Variants in LARP1 observed in about 807,000 individuals in gnomAD.
LARP1 encodes la-related protein 1.
Under a neutral mutation model 122.7 loss-of-function variants are expected in LARP1, and 36 were observed. The ratio of observed to expected loss-of-function variants is 0.29; its 90% CI spans 0.22 to 0.39. LARP1 has a LOEUF of 0.39. LARP1 is among the 10% of genes least tolerant of loss of function. The pLI, the probability that LARP1 is intolerant of heterozygous loss-of-function variation, is 1.00. For synonymous variants in LARP1, 539 were observed against 528.7 expected, an observed-to-expected ratio of 1.02 and a Z score of -0.27; for missense variants, 1,040 against 1,403.6, an observed-to-expected ratio of 0.74 and a Z score of 4.14.
At chr5:154,719,899 A>G (rs2113341941) in intron 1 of LARP1, among the ~76,000 whole-genome samples, 1 of 151,504 alleles carries the variant, frequency 6.6e-6, no homozygotes, top group South Asian at 2.1e-4. Flanking sequence ...TGGTAATTTT[A>G]AAGTAACACT....
rs1379066224 is a variant in LARP1 at position 154,814,399 on chromosome 5, A to G, written c.*303A>G. 1 of 157,150 alleles carries G rather than the reference A, an allele frequency of 6.4e-6. No homozygotes were observed. Among genetic ancestry groups the G allele is most frequent in the Non-Finnish European group, 1.4e-5 (1 of 71,508 alleles). The allele number at this position is 157,150 out of a possible 1,614,324, so 9.7% of individuals were successfully genotyped here. ...TACATATATATATATCAAGTTTTAA[A>G]TTATTGATAGTTCATCTGGATTACC... On this transcript the variant is annotated 3_prime_UTR_variant, in exon 19 of 19. Coordinates refer to ENST00000518297, the MANE Select transcript of LARP1 (RefSeq NM_033551.3).
At chr5:154,780,391 G>A (rs939799534) in intron 1 of LARP1, among the ~76,000 whole-genome samples, 6 of 152,180 alleles carry the variant, frequency 3.9e-5, no homozygotes, top group Non-Finnish European at 8.8e-5. Flanking sequence ...TGACAGTATC[G>A]GTAATTTTGG....
chr5:154,710,020 G>A (rs1755138416), upstream of LARP1, among the ~76,000 whole-genome samples: 1 of 152,144 alleles, frequency 6.6e-6, no homozygotes, highest in African/African-American at 2.4e-5. Context: ...TCACAATAGG[G>A]TTCAGGCTTC....
upstream of LARP1, among the ~76,000 whole-genome samples, chr5:154,752,242 T>C (rs559424735): frequency 1.3e-5 from 2 of 152,070 alleles, no homozygotes; most frequent in Non-Finnish European, 2.9e-5. Flanking sequence ...TCTTCCTTTT[T>C]CTTTTCTTTT....
Position 154,715,889 on chromosome 5 carries a change from C to T in LARP1, c.205+2759C>T, listed in dbSNP as rs558597384. ...TTGAAGTCATTACCTTATTTATCCT[C>T]ACAGTAGCCCATTTTACTATTCCCA... On this transcript the variant is annotated intron_variant, in intron 1 of 18. Coordinates refer to the LARP1 transcript ENST00000336314. Among the ~76,000 whole-genome samples, 8 of 152,318 alleles carry T rather than the reference C, an allele frequency of 5.3e-5. No homozygotes were observed. In the East Asian group the frequency reaches 1.5e-3, roughly 29 times the overall value.
chr5:154,801,979 CT>C, intron 10 of LARP1, 27 bp from the exon 11 acceptor site: 3 of 1,576,500 alleles, frequency 1.9e-6, no homozygotes, highest in Non-Finnish European at 1.7e-6. Flanking sequence ...CTGGTGATTC[CT>C]TTTCCCCTTC....
At chr5:154,754,052 C>T (rs1561565944), upstream of LARP1, among the ~76,000 whole-genome samples, 1 of 152,214 alleles carries the variant, frequency 6.6e-6, no homozygotes, top group South Asian at 2.1e-4. Context: ...TTTCTGGGTC[C>T]AGTCCCAGAC....
At chr5:154,772,431 AAG>A (rs1419171755) in intron 1 of LARP1, among the ~76,000 whole-genome samples, 1 of 152,210 alleles carries the variant, frequency 6.6e-6, no homozygotes, top group Non-Finnish European at 1.5e-5. Context: ...TTTTAATAAA[AAG>A]ACAAAATGGG....
chr5:154,763,627 A>C (rs1754660735), intron 1 of LARP1, among the ~76,000 whole-genome samples: 1 of 152,062 alleles, frequency 6.6e-6, no homozygotes, highest in Non-Finnish European at 1.5e-5. Context: ...CCTGGGCGAC[A>C]GAGTGAGACC....
chr5:154,786,055 T>C (rs967047083), intron 1 of LARP1, among the ~76,000 whole-genome samples: 2 of 152,214 alleles, frequency 1.3e-5, no homozygotes, highest in Non-Finnish European at 2.9e-5. Flanking sequence ...TTCACTTTTT[T>C]TTTTGAGATG....
At chr5:154,801,002 G>A (rs1040527392) in intron 10 of LARP1, among the ~76,000 whole-genome samples, 1 of 152,148 alleles carries the variant, frequency 6.6e-6, no homozygotes, top group Non-Finnish European at 1.5e-5. Flanking sequence ...TTTGAAACAG[G>A]GGTCAGACTT....
At chr5:154,741,469 C>G (rs1752876636) in intron 1 of LARP1, among the ~76,000 whole-genome samples, 1 of 152,176 alleles carries the variant, frequency 6.6e-6, no homozygotes, top group South Asian at 2.1e-4. Flanking sequence ...AGGTTGTGAT[C>G]TGTGCTATGG....
intron 3 of LARP1, 80 bp downstream of exon 3, chr5:154,790,790 T>C (rs376890085): frequency 8.3e-7 from 1 of 1,201,938 alleles, no homozygotes; most frequent in Non-Finnish European, 1.2e-6. Context: ...CCAGAGAGCC[T>C]CAGCTCTTAC....
chr5:154,754,325 G>A (rs999343164), upstream of LARP1, among the ~76,000 whole-genome samples: 12 of 152,312 alleles, frequency 7.9e-5, no homozygotes, highest in Admixed American at 7.2e-4. Flanking sequence ...AGGTCAGTAA[G>A]TATTGAATCG....
rs996552733 is a variant in LARP1, at chr5:154,755,706, G to C, written c.-52G>C. 10 of 987,856 alleles carry C rather than the reference G, an allele frequency of 1.0e-5. No homozygotes were observed. Among genetic ancestry groups the C allele is most frequent in the African/African-American group, 7.0e-5 (4 of 57,380 alleles). 61.2% of individuals were successfully genotyped at this position (987,856 alleles called of 1,614,324 possible). On this transcript the variant is annotated 5_prime_UTR_variant, in exon 1 of 19. Coordinates refer to ENST00000518297, the MANE Select transcript of LARP1 (RefSeq NM_033551.3). ...GCGCTCTGCTAGCCAAGTTCGAGGC[G>C]GGGGAGGCAGCCTCGGGCGCGCCCG... is the stretch of plus-strand genomic sequence containing the variant.
rs561103653 is a variant in LARP1 at position 154,714,961 on chromosome 5, T to C, written c.205+1831T>C. ...TTGGGAGGCTGAGGCAGGCAAATCA[T>C]GAGGTCAGGAGTTTGAGACCAGCTT... On this transcript the variant is annotated intron_variant, in intron 1 of 18. Coordinates refer to the LARP1 transcript ENST00000336314. Among the ~76,000 whole-genome samples the C allele has an allele frequency of 1.6e-3, 243 of 152,174 alleles. 1 individual carries two copies. The highest frequency in any genetic ancestry group is 4.3e-3 in the African/African-American group (178 of 41,534).
intron 10 of LARP1, among the ~76,000 whole-genome samples, chr5:154,800,708 A>G (rs1758280509): frequency 6.6e-6 from 1 of 152,194 alleles, no homozygotes; most frequent in Admixed American, 6.5e-5. Context: ...TTTTCTCCAC[A>G]TACCTGCTCA....
intron 1 of LARP1, among the ~76,000 whole-genome samples, chr5:154,715,284 T>C (rs1484657680): frequency 1.8e-5 from 2 of 114,052 alleles, no homozygotes; most frequent in South Asian, 2.7e-4. Context: ...TTTTTTTTTT[T>C]TGAGTCAGTT....
intron 1 of LARP1, among the ~76,000 whole-genome samples, chr5:154,739,701 G>A (rs1024829641): frequency 7.9e-5 from 12 of 152,104 alleles, no homozygotes; most frequent in Non-Finnish European, 8.8e-5. Context: ...ACCCAGCTAC[G>A]TTGGCTGAAT....
Sources: allele counts gnomAD v4.1 joint callset (sites outside exome capture counted in the v4.1 genomes callset), GRCh38; gene constraint gnomAD v4.1.1; transcripts MANE v1.5; gene names NCBI Gene and HGNC (gene_info 2026-07-23, HGNC 2026-07-21).